Variants in EDIL3 observed in about 807,000 individuals in gnomAD.
EDIL3 encodes EGF-like repeat and discoidin I-like domain-containing protein 3.
In EDIL3, 37 loss-of-function variants were observed where a neutral mutation model predicts 67.4. The ratio of observed to expected loss-of-function variants is 0.55; its 90% CI spans 0.42 to 0.72. EDIL3 has a LOEUF of 0.72. Among genes scored for constraint, EDIL3 ranks in the 30% least tolerant of loss-of-function variants. The pLI, the probability that EDIL3 is intolerant of heterozygous loss-of-function variation, is 0.00. For missense variants in EDIL3, 527 were observed against 586.3 expected, an observed-to-expected ratio of 0.90 and a Z score of 1.04; for synonymous variants, 195 against 196.3, an observed-to-expected ratio of 0.99 and a Z score of 0.05.
At chr5:83,970,643 GTATATATATATATATATATATATATA>G (rs70975530) in intron 9 of EDIL3, among the ~76,000 whole-genome samples, 6 of 116,152 alleles carry the variant, frequency 5.2e-5, no homozygotes, top group African/African-American at 1.9e-4. Flanking sequence ...TAGGATCACA[GTATATATATATATATATATATATATA>G]TATATATATA....
chr5:84,350,074 C>T (rs970406571), intron 1 of EDIL3, among the ~76,000 whole-genome samples: 2 of 152,028 alleles, frequency 1.3e-5, no homozygotes, highest in African/African-American at 4.8e-5. Context: ...TGTTGTCTAA[C>T]CCAGGCATCC....
intron 1 of EDIL3, among the ~76,000 whole-genome samples, chr5:84,353,644 A>C (rs1314094058): frequency 2.0e-5 from 3 of 152,146 alleles, no homozygotes; most frequent in Admixed American, 2.0e-4. Flanking sequence ...AGAGGAAGAA[A>C]TTTGGGTTAT....
At chr5:84,292,980 C>T (rs1745954171) in intron 1 of EDIL3, among the ~76,000 whole-genome samples, 1 of 152,166 alleles carries the variant, frequency 6.6e-6, no homozygotes, top group Admixed American at 6.6e-5. Context: ...CAGACGTTGC[C>T]TAAAGTTTCA....
Position 84,283,403 on chromosome 5 carries a change from A to G in EDIL3, c.68-29191T>C, listed in dbSNP as rs186259239. Among the ~76,000 whole-genome samples the G allele has an allele frequency of 8.1e-3, 1,233 of 152,258 alleles. 9 individuals are homozygous for G. The highest frequency in any genetic ancestry group is 0.012 in the Non-Finnish European group (820 of 68,014). On this transcript the variant is annotated intron_variant, in intron 1 of 10. Coordinates refer to ENST00000296591, the MANE Select transcript of EDIL3 (RefSeq NM_005711.5). ...TCACCCTAACTTCAATTTTTTCCAT[A>G]AGAACAAAACTAGGATAACTCTGGA...
intron 9 of EDIL3, among the ~76,000 whole-genome samples, chr5:84,000,711 T>C (rs1246993964): frequency 6.6e-6 from 1 of 151,956 alleles, no homozygotes; most frequent in Non-Finnish European, 1.5e-5. Context: ...GAATAGACCA[T>C]ATGTTAATCC....
At chr5:84,153,918 G>A (rs1748444951) in intron 4 of EDIL3, among the ~76,000 whole-genome samples, 3 of 152,160 alleles carry the variant, frequency 2.0e-5, no homozygotes, top group African/African-American at 7.2e-5. Context: ...TCAGACATCT[G>A]AGTGTTGCTG....
chr5:84,126,364 T>C (rs1032718206), intron 5 of EDIL3, among the ~76,000 whole-genome samples: 2 of 152,024 alleles, frequency 1.3e-5, no homozygotes, highest in Non-Finnish European at 2.9e-5. Flanking sequence ...TATGGACCTT[T>C]TTGTCAGTCT....
chr5:84,216,492 G>C (rs1744228549), intron 3 of EDIL3, among the ~76,000 whole-genome samples: 1 of 150,124 alleles, frequency 6.7e-6, no homozygotes, highest in African/African-American at 2.4e-5. Flanking sequence ...GGCTGAGTTT[G>C]CTGCTGTAAG....
At chr5:83,961,196 A>C (rs1351632143) in intron 10 of EDIL3, among the ~76,000 whole-genome samples, 1 of 151,074 alleles carries the variant, frequency 6.6e-6, no homozygotes, top group Non-Finnish European at 1.5e-5. Context: ...CTGTTTATGT[A>C]CATATCAACA....
intron 3 of EDIL3, among the ~76,000 whole-genome samples, chr5:84,219,104 G>A (rs1000754822): frequency 6.6e-6 from 1 of 152,246 alleles, no homozygotes; most frequent in South Asian, 2.1e-4. Flanking sequence ...AGTGTTGGTG[G>A]CCACAGAGGT....
chr5:84,131,663 T>A (rs1290631615), intron 5 of EDIL3, among the ~76,000 whole-genome samples: 1 of 152,064 alleles, frequency 6.6e-6, no homozygotes, highest in Non-Finnish European at 1.5e-5. Context: ...GCTGAGAGGA[T>A]TAAAAAATCA....
At chr5:84,049,615 T>C (rs1021615766) in intron 9 of EDIL3, among the ~76,000 whole-genome samples, 3 of 152,206 alleles carry the variant, frequency 2.0e-5, no homozygotes, top group Admixed American at 2.0e-4. Flanking sequence ...ATGGAATAAT[T>C]GGCTCAGAAT....
chr5:84,016,967 C>T (rs1256222352), intron 9 of EDIL3, among the ~76,000 whole-genome samples: 1 of 152,150 alleles, frequency 6.6e-6, no homozygotes, highest in Non-Finnish European at 1.5e-5. Flanking sequence ...TAAATTTTTC[C>T]TGTGCTACTT....
intron 9 of EDIL3, among the ~76,000 whole-genome samples, chr5:84,007,277 T>C (rs1285596184): frequency 1.3e-5 from 2 of 152,064 alleles, no homozygotes; most frequent in African/African-American, 4.8e-5. Context: ...ACAAATTGGA[T>C]CCCATTGAGT....
intron 5 of EDIL3, among the ~76,000 whole-genome samples, chr5:84,135,176 C>A (rs1343005641): frequency 1.3e-5 from 2 of 152,124 alleles, no homozygotes; most frequent in Non-Finnish European, 2.9e-5. Context: ...TGTGCCACTT[C>A]TTAGACTCAT....
chr5:84,321,008 T>TTA (rs1221959230), intron 1 of EDIL3, among the ~76,000 whole-genome samples: 5 of 152,192 alleles, frequency 3.3e-5, no homozygotes, highest in Admixed American at 6.5e-5. Flanking sequence ...CTGCAACGAT[T>TTA]TTAGATATGT....
intron 1 of EDIL3, among the ~76,000 whole-genome samples, chr5:84,334,897 G>A (rs1746954522): frequency 6.6e-6 from 1 of 152,130 alleles, no homozygotes; most frequent in Non-Finnish European, 1.5e-5. Flanking sequence ...ATTTGGGTCA[G>A]AGGTCTCTTA....
intron 2 of EDIL3, among the ~76,000 whole-genome samples, chr5:84,238,665 G>GTTTTTTTTTTTTTTTTTTTTT: frequency 9.9e-6 from 1 of 101,106 alleles, no homozygotes; most frequent in Non-Finnish European, 1.8e-5. Flanking sequence ...AAAATTAAAT[G>GTTTTTTTTTTTTTTTTTTTTT]TTTTTTTTTT....
At chr5:83,981,710 C>A (rs1029640180) in intron 9 of EDIL3, among the ~76,000 whole-genome samples, 1 of 152,012 alleles carries the variant, frequency 6.6e-6, no homozygotes, top group African/African-American at 2.4e-5. Flanking sequence ...TTAGGTCAAG[C>A]AGAAACTAAT....
Sources: gnomAD v4.1 joint callset for allele counts (sites outside exome capture counted in the v4.1 genomes callset) on GRCh38, gnomAD v4.1.1 for gene constraint, MANE v1.5 for transcripts, NCBI Gene and HGNC (gene_info 2026-07-23, HGNC 2026-07-21) for gene names.